Variants in AADACL2 observed in about 807,000 individuals in gnomAD.
AADACL2 encodes arylacetamide deacetylase like 2.
Under a neutral mutation model 22.3 loss-of-function variants are expected in AADACL2, and 23 were observed. The observed-to-expected ratio is 1.03, with a 90% CI of 0.74 to 1.46. The LOEUF (loss-of-function observed/expected upper bound fraction) is 1.46. Among genes scored for constraint, AADACL2 ranks in the 40% most tolerant of loss-of-function variants. The pLI is 0.00. For missense variants in AADACL2, 472 were observed against 482.9 expected, an observed-to-expected ratio of 0.98 and a Z score of 0.21; for synonymous variants, 177 against 166.2, an observed-to-expected ratio of 1.07 and a Z score of -0.50.
At chr3:151,754,370 A>T (rs2107990487) in intron 4 of AADACL2, among the ~76,000 whole-genome samples, 1 of 152,264 alleles carries the variant, frequency 6.6e-6, no homozygotes, top group South Asian at 2.1e-4. Flanking sequence ...TGATGACAAT[A>T]ATACCAGTGG....
At chr3:151,739,493 G>A (rs1713204805) in intron 1 of AADACL2, among the ~76,000 whole-genome samples, 1 of 152,220 alleles carries the variant, frequency 6.6e-6, no homozygotes, top group African/African-American at 2.4e-5. Context: ...CATTTGAGGA[G>A]ACAGTCTGTC....
Position 151,761,116 on chromosome 3 carries a change from TG to T in AADACL2, c.*3524del, listed in dbSNP as rs1714127082. On this transcript the variant is annotated 3_prime_UTR_variant, in exon 5 of 5. Coordinates refer to ENST00000356517, the MANE Select transcript of AADACL2 (RefSeq NM_207365.4). Reference sequence around the variant, plus strand: ...AGATATATATATATTTTTTTATATATGGTGAGATATATATTTATATATGGTG... The same window carrying T: ...AGATATATATATATTTTTTTATATATGTGAGATATATATTTATATATGGTG... 1 of 146,530 alleles carries T rather than the reference TG, an allele frequency of 6.8e-6. No homozygotes were observed. The highest frequency in any genetic ancestry group is 2.5e-5 in the African/African-American group (1 of 39,782). The allele number at this position is 146,530 out of a possible 1,614,324, so 9.1% of individuals were successfully genotyped here.
chr3:151,748,988 A>T (rs1445015605), intron 4 of AADACL2, among the ~76,000 whole-genome samples: 1 of 152,164 alleles, frequency 6.6e-6, no homozygotes, highest in Non-Finnish European at 1.5e-5. Flanking sequence ...TGATGCCTCC[A>T]GGTTTGTTCT....
intron 1 of AADACL2, among the ~76,000 whole-genome samples, chr3:151,738,845 C>G (rs2107981030): frequency 6.6e-6 from 1 of 152,306 alleles, no homozygotes; most frequent in East Asian, 1.9e-4. Context: ...TCAGCTCCAT[C>G]TGGTCATTTA....
Position 151,757,782 on chromosome 3 carries a change from T to C in AADACL2, c.*188T>C, listed in dbSNP as rs1713994795. ...GCAGACCCTGAATATGTAAAATGTA[T>C]GTAATCCTGCCTATTTTCTCCTTAC... On this transcript the variant is annotated 3_prime_UTR_variant, in exon 5 of 5. Coordinates refer to ENST00000356517, the MANE Select transcript of AADACL2 (RefSeq NM_207365.4). The C allele has an allele frequency of 3.8e-6, 2 of 528,120 alleles. No homozygotes were observed. The highest frequency in any genetic ancestry group is 7.6e-5 in the South Asian group (2 of 26,298). The allele number at this position is 528,120 out of a possible 1,614,324, so 32.7% of individuals were successfully genotyped here.
intron 4 of AADACL2, among the ~76,000 whole-genome samples, chr3:151,747,706 A>G (rs1222676149): frequency 1.3e-5 from 2 of 151,806 alleles, no homozygotes; most frequent in Non-Finnish European, 2.9e-5. Flanking sequence ...GTTTGATTCC[A>G]TATCTTGGCT....
At chr3:151,737,576 C>A (rs1713133465) in intron 1 of AADACL2, among the ~76,000 whole-genome samples, 1 of 151,934 alleles carries the variant, frequency 6.6e-6, no homozygotes, top group East Asian at 1.9e-4. Flanking sequence ...AGGTCTCCCA[C>A]TAGTAGTTTG....
At position 151,761,204 on chromosome 3, in the gene AADACL2, G is replaced by GATATATATATATATAT. The variant is rs56205370; in HGVS notation, c.*3633_*3648dup. The GATATATATATATATAT allele has an allele frequency of 8.8e-4, 75 of 85,408 alleles. 1 individual carries two copies. The highest frequency in any genetic ancestry group is 2.3e-3 in the South Asian group (5 of 2,202). 5.3% of individuals were successfully genotyped at this position (85,408 alleles called of 1,614,324 possible). On this transcript the variant is annotated 3_prime_UTR_variant, in exon 5 of 5. Transcript: ENST00000356517. ...ATATGGTGAGATATATACATATTGT[G>GATATATATATATATAT]ATATATATATATATATATATATATA...
At position 151,759,502 on chromosome 3, in the gene AADACL2, T is replaced by C. The variant is rs1036510518; in HGVS notation, c.*1908T>C. The C allele has an allele frequency of 6.6e-6, 1 of 152,228 alleles. No individual in the cohort carries two copies. The highest frequency in any genetic ancestry group is 1.5e-5 in the Non-Finnish European group (1 of 68,020). The allele number at this position is 152,228 out of a possible 1,614,324, so 9.4% of individuals were successfully genotyped here. ...ACACTAGTGTGTCATGTCACTAGTATGTACTTTCAAGCCTTTAAACAGAAA... is the reference window on the plus strand; with the variant it reads ...ACACTAGTGTGTCATGTCACTAGTACGTACTTTCAAGCCTTTAAACAGAAA... On this transcript the variant is annotated 3_prime_UTR_variant, in exon 5 of 5. Coordinates refer to ENST00000356517, the MANE Select transcript of AADACL2 (RefSeq NM_207365.4).
rs921670945 is a variant in AADACL2, at chr3:151,751,251, C to G, written c.603+5571C>G. On this transcript the variant is annotated intron_variant, in intron 4 of 4. Coordinates refer to ENST00000356517, the MANE Select transcript of AADACL2 (RefSeq NM_207365.4). ...TTACTATGTAAAATTGCATAGCAGT[C>G]TGGTCTAAAATTTCATCTGAAACCG... Among the ~76,000 whole-genome samples, 17 of 152,156 alleles carry G rather than the reference C, an allele frequency of 1.1e-4. 1 individual carries two copies. Among genetic ancestry groups the G allele is most frequent in the Admixed American group, 1.0e-3 (16 of 15,268 alleles).
chr3:151,740,207 T>C (rs1713232286), intron 1 of AADACL2, among the ~76,000 whole-genome samples: 1 of 152,180 alleles, frequency 6.6e-6, no homozygotes, highest in Non-Finnish European at 1.5e-5. Flanking sequence ...ATGGGCTGGG[T>C]AGCACAGTCC....
In AADACL2 at chr3:151,757,563, T is replaced by C. The variant is rs574485747; in HGVS notation, c.1175T>C (p.Met392Thr). The change falls in exon 5 of 5, where the codon ATG (methionine) becomes ACG (threonine). Residue 392 changes from methionine to threonine, a missense_variant. This residue lies in a region of AADACL2 where 113 missense variants were observed against 100.9 expected (regional missense o/e 1.12). Coordinates refer to ENST00000356517, the MANE Select transcript of AADACL2 (RefSeq NM_207365.4). ...YLRLGLRIRD[M>T]YVSWLDKNL ...CGTCTAGGTCTTAGGATAAGAGATA[T>C]GTATGTAAGTTGGCTGGATAAGAAT... is the stretch of plus-strand genomic sequence containing the variant. 1.9e-6 allele frequency: 3 copies of C among 1,610,568 alleles called. No individual in the cohort carries two copies. Among genetic ancestry groups the C allele is most frequent in the South Asian group, 1.1e-5 (1 of 90,778 alleles).
chr3:151,756,853 A>G, intron 4 of AADACL2, 139 bp from the exon 5 acceptor site: 1 of 598,826 alleles, frequency 1.7e-6, no homozygotes, highest in Non-Finnish European at 2.4e-6. Flanking sequence ...AATATATTAT[A>G]AATATTATAA....
chr3:151,743,975 T>G, intron 2 of AADACL2, 118 bp from the exon 3 acceptor site: 16 of 973,364 alleles, frequency 1.6e-5, no homozygotes, highest in South Asian at 7.1e-5. Context: ...AAATGGGGGG[T>G]GGAAATAAAA....
chr3:151,745,629 C>T lies in AADACL2; in HGVS notation c.552C>T (p.Cys184=), dbSNP rs751412229. ...ATGGAGTGGATCCCACCCGAATCTG[C>T]ATTGCGGGAGACAGTTCTGGGGGCA... ...TKYGVDPTRI[C]IAGDSSGGNL... is the part of the protein sequence containing the mutation. Residue 184 remains cysteine (C), a synonymous_variant, in exon 4 of 5, where the codon TGC becomes TGT. Coordinates refer to ENST00000356517, the MANE Select transcript of AADACL2 (RefSeq NM_207365.4). The T allele has an allele frequency of 3.0e-5, 49 of 1,613,350 alleles. No individual in the cohort carries two copies. Among genetic ancestry groups the T allele is most frequent in the Non-Finnish European group, 3.8e-5 (45 of 1,179,770 alleles).
In AADACL2 at chr3:151,739,595, C is replaced by T. The variant is rs563561659; in HGVS notation, c.139-1051C>T. Among the ~76,000 whole-genome samples the T allele has an allele frequency of 9.2e-5, 14 of 152,298 alleles. 1 individual carries two copies. The East Asian group carries it at 9.7e-4, about 11-fold the overall frequency. On this transcript the variant is annotated intron_variant, in intron 1 of 4. Transcript: ENST00000356517. ...GCCAGCAGGCAGGAAAGTTTAGGTC[C>T]GCTGAAGCTGCACCCACAGCTTCCC... is the stretch of plus-strand genomic sequence containing the variant.
At chr3:151,741,064 G>C (rs539924688) in intron 2 of AADACL2, among the ~76,000 whole-genome samples, 196 bp downstream of exon 2, 3 of 152,216 alleles carry the variant, frequency 2.0e-5, no homozygotes, top group Admixed American at 2.0e-4. Flanking sequence ...ATATTATGGG[G>C]ATTTTAAATT....
intron 3 of AADACL2, among the ~76,000 whole-genome samples, chr3:151,745,263 C>T (rs946316025): frequency 6.6e-6 from 1 of 152,086 alleles, no homozygotes; most frequent in Non-Finnish European, 1.5e-5. Context: ...GCTTACAATT[C>T]CTAGGAAGTT....
At chr3:151,748,988 A>G (rs1445015605) in intron 4 of AADACL2, among the ~76,000 whole-genome samples, 1 of 152,164 alleles carries the variant, frequency 6.6e-6, no homozygotes, top group Non-Finnish European at 1.5e-5. Context: ...TGATGCCTCC[A>G]GGTTTGTTCT....
Sources: allele counts gnomAD v4.1 joint callset (sites outside exome capture counted in the v4.1 genomes callset), GRCh38; gene constraint gnomAD v4.1.1; regional missense constraint gnomAD v4.1.1; transcripts MANE v1.5; gene names NCBI Gene and HGNC (gene_info 2026-07-23, HGNC 2026-07-21).